Variants in NAF1 observed in about 807,000 individuals in gnomAD.
NAF1 encodes H/ACA ribonucleoprotein complex non-core subunit NAF1.
NAF1 carries 11 observed loss-of-function variants against 40.6 expected under a neutral mutation model. The observed-to-expected ratio is 0.27, with a 90% CI of 0.17 to 0.45. The LOEUF is 0.45. Among genes scored for constraint, NAF1 ranks in the 20% least tolerant of loss-of-function variants. The pLI is 1.00. For missense variants in NAF1, 607 were observed against 611.1 expected, an observed-to-expected ratio of 0.99 and a Z score of 0.07; for synonymous variants, 260 against 228.5, an observed-to-expected ratio of 1.14 and a Z score of -1.24.
intron 2 of NAF1, among the ~76,000 whole-genome samples, chr4:163,160,663 ACT>A (rs1195052736): frequency 1.3e-5 from 2 of 151,602 alleles, no homozygotes; most frequent in Admixed American, 1.3e-4. Flanking sequence ...CTGCTAGAAA[ACT>A]CTTTAGAAAG....
intron 2 of NAF1, among the ~76,000 whole-genome samples, chr4:163,161,973 T>C (rs1298142448): frequency 6.6e-6 from 1 of 152,130 alleles, no homozygotes; most frequent in East Asian, 1.9e-4. Context: ...CAAGTGTTCA[T>C]TTTCCTACAC....
chr4:163,135,468 A>G (rs1212239322), intron 6 of NAF1: 1 of 152,248 alleles, frequency 6.6e-6, no homozygotes, highest in Non-Finnish European at 1.5e-5. Context: ...TTCAATGCTT[A>G]GGTCCGAAAC....
chr4:163,126,091 T>C (rs1730646629), downstream of NAF1, among the ~76,000 whole-genome samples: 1 of 152,158 alleles, frequency 6.6e-6, no homozygotes, highest in Non-Finnish European at 1.5e-5. Context: ...ACCCAAGAAC[T>C]CCAATGGAGA....
At chr4:163,107,294 A>G (rs1730063367), downstream of NAF1, among the ~76,000 whole-genome samples, 1 of 151,964 alleles carries the variant, frequency 6.6e-6, no homozygotes, top group Admixed American at 6.6e-5. Flanking sequence ...GCACTTTGAG[A>G]CTCTTGCTAC....
At chr4:163,129,519 T>G (rs756838488) in intron 7 of NAF1, among the ~76,000 whole-genome samples, 171 bp from the exon 8 acceptor site, 1 of 152,128 alleles carries the variant, frequency 6.6e-6, no homozygotes, top group Non-Finnish European at 1.5e-5. Flanking sequence ...CAAAACTTAA[T>G]GCCAAAGAAA....
intron 2 of NAF1, among the ~76,000 whole-genome samples, chr4:163,161,480 C>CAA (rs1015179781): frequency 8.0e-6 from 1 of 124,368 alleles, no homozygotes; most frequent in Non-Finnish European, 1.7e-5. Flanking sequence ...CCCCCCTCAC[C>CAA]AAAAAAAAAA....
chr4:163,144,640 G>A (rs149961550), intron 4 of NAF1, among the ~76,000 whole-genome samples: 1 of 152,118 alleles, frequency 6.6e-6, no homozygotes, highest in Non-Finnish European at 1.5e-5. Context: ...TTGTCACAAA[G>A]TCTTTCAAAA....
chr4:163,113,250 C>T (rs1356105127), intron 2 of NAF1, among the ~76,000 whole-genome samples: 1 of 152,106 alleles, frequency 6.6e-6, no homozygotes, highest in Non-Finnish European at 1.5e-5. Flanking sequence ...CCCCTTGTTA[C>T]CTTAGTCAAT....
chr4:163,134,126 T>C (rs1003807568), intron 6 of NAF1, among the ~76,000 whole-genome samples: 1 of 152,194 alleles, frequency 6.6e-6, no homozygotes, highest in Non-Finnish European at 1.5e-5. Context: ...TTATGAGCTA[T>C]ATATATTATG....
chr4:163,148,266 T>A, intron 3 of NAF1, 75 bp downstream of exon 3: 1 of 836,240 alleles, frequency 1.2e-6, no homozygotes, highest in Non-Finnish European at 1.8e-6. Context: ...GAAAATTTAC[T>A]AGTCATAAAA....
At chr4:163,154,156 C>T (rs1560803375) in intron 2 of NAF1, among the ~76,000 whole-genome samples, 1 of 152,208 alleles carries the variant, frequency 6.6e-6, no homozygotes, top group African/African-American at 2.4e-5. Flanking sequence ...ACACTCACCG[C>T]GAAGGTCTGC....
In NAF1 at chr4:163,129,130, T is replaced by A. The variant is rs772832254; in HGVS notation, c.1252A>T (p.Ile418Phe). 1.4e-5 allele frequency: 23 copies of A among 1,613,724 alleles called. No homozygotes were observed. Reference protein sequence around the residue: ...GFPSQRQNNPIMPQYPFPLPV... With the variant: ...GFPSQRQNNPFMPQYPFPLPV... ...AGAGGAAAGGGGTATTGTGGCATAATGGGATTATTTTGTCTCTGAGAAGGA... is the reference window on the plus strand; with the variant it reads ...AGAGGAAAGGGGTATTGTGGCATAAAGGGATTATTTTGTCTCTGAGAAGGA... The change falls in exon 8 of 8, where the codon ATT becomes TTT. Residue 418 changes from isoleucine (I) to phenylalanine (F), a missense_variant. Coordinates refer to ENST00000274054, the MANE Select transcript of NAF1 (RefSeq NM_138386.3).
At chr4:163,154,960 C>T (rs1359542905) in intron 2 of NAF1, among the ~76,000 whole-genome samples, 2 of 151,648 alleles carry the variant, frequency 1.3e-5, no homozygotes, top group African/African-American at 2.4e-5. Flanking sequence ...CAGGAAGGCA[C>T]CCAAGAGATG....
intron 2 of NAF1, among the ~76,000 whole-genome samples, chr4:163,115,641 T>C (rs1406098236): frequency 1.3e-5 from 2 of 152,230 alleles, no homozygotes; most frequent in African/African-American, 2.4e-5. Flanking sequence ...GGTTGGGCAG[T>C]ATTTTTGCAA....
At chr4:163,137,056 G>A (rs979235566) in intron 6 of NAF1, 143 bp downstream of exon 6, 3 of 864,084 alleles carry the variant, frequency 3.5e-6, no homozygotes, top group Non-Finnish European at 5.3e-6. Context: ...AGGACGGTGA[G>A]AGAATACATG....
At chr4:163,148,536 T>C in intron 2 of NAF1, 102 bp from the exon 3 acceptor site, 4 of 760,930 alleles carry the variant, frequency 5.3e-6, no homozygotes, top group Non-Finnish European at 8.6e-6. Flanking sequence ...TGAAAATGCT[T>C]TAAGTGCTTA....
At chr4:163,135,813 A>G (rs1322707901) in intron 6 of NAF1, 1 of 152,168 alleles carries the variant, frequency 6.6e-6, no homozygotes, top group Non-Finnish European at 1.5e-5. Context: ...GAAAAAAAGA[A>G]TATCTGGATT....
downstream of NAF1, chr4:163,128,649 G>C (rs935241907): frequency 1.3e-5 from 8 of 633,422 alleles, no homozygotes; most frequent in African/African-American, 1.2e-4. Flanking sequence ...GGTTGGGAGG[G>C]AGAAGGCATG....
At chr4:163,127,205 T>C (rs953838789), downstream of NAF1, 23 of 1,401,388 alleles carry the variant, frequency 1.6e-5, no homozygotes, top group African/African-American at 2.2e-4. Context: ...TCTCAGCTCA[T>C]TGCAACCTCT....
Sources: allele counts gnomAD v4.1 joint callset (sites outside exome capture counted in the v4.1 genomes callset), GRCh38; gene constraint gnomAD v4.1.1; transcripts MANE v1.5; gene names NCBI Gene and HGNC (gene_info 2026-07-23, HGNC 2026-07-21).